ERAP1: variants seen among roughly 807,000 people sequenced by gnomAD.
ERAP1 encodes the protein endoplasmic reticulum aminopeptidase 1, also known as adipocyte-derived leucine aminopeptidase.
ERAP1 carries 86 observed loss-of-function variants against 103.7 expected under a neutral mutation model. The observed-to-expected ratio is 0.83, with a 90% CI of 0.70 to 0.99. The LOEUF (loss-of-function observed/expected upper bound fraction) is 0.99, where lower values mean the gene tolerates loss of function less well. ERAP1 is among the 50% of genes least tolerant of loss of function. The pLI is 0.00. For missense variants in ERAP1, 1,009 were observed against 1,128.4 expected (o/e 0.89, Z 1.52); for synonymous variants, 398 against 402.4 (o/e 0.99, Z 0.13).
At chr5:96,872,277 A>G in the ERAP1 span, among the ~76,000 whole-genome samples, 20 of 151,424 alleles carry the variant, frequency 1.3e-4, 1 homozygote, top group Admixed American at 1.2e-3. Flanking sequence ...CAGAGGTTGC[A>G]GTGAGCCGAG....
chr5:96,897,280 C>A, the ERAP1 span, among the ~76,000 whole-genome samples: 1 of 152,202 alleles, frequency 6.6e-6, no homozygotes, highest in African/African-American at 2.4e-5. Flanking sequence ...TGCTCAATCT[C>A]TAGATCATTG....
At chr5:96,931,940 A>T in the ERAP1 span, among the ~76,000 whole-genome samples, 2 of 152,242 alleles carry the variant, frequency 1.3e-5, no homozygotes, top group East Asian at 3.8e-4. Context: ...TGTATCATTT[A>T]AACTAGTTTT....
chr5:96,834,144 C>T, the ERAP1 span, among the ~76,000 whole-genome samples: 1 of 152,220 alleles, frequency 6.6e-6, no homozygotes, highest in Non-Finnish European at 1.5e-5. Flanking sequence ...AATTCAGTGA[C>T]TTCCGCAGTT....
the ERAP1 span, among the ~76,000 whole-genome samples, chr5:96,930,823 G>A: frequency 6.6e-6 from 1 of 152,218 alleles, no homozygotes; most frequent in Non-Finnish European, 1.5e-5. Context: ...GGCCAAAACA[G>A]TTTCCCTAGA....
At chr5:96,869,796 G>A in the ERAP1 span, among the ~76,000 whole-genome samples, 381 of 152,282 alleles carry the variant, frequency 2.5e-3, 4 homozygotes, top group Middle Eastern at 0.017. Context: ...GAAGAGGATG[G>A]GTGCCCAGGC....
the ERAP1 span, among the ~76,000 whole-genome samples, chr5:96,849,421 G>A: frequency 0.048 from 7,275 of 152,184 alleles, 214 homozygotes; most frequent in South Asian, 0.11. Context: ...GAGTAAAGTA[G>A]CAGGTCACAA....
chr5:96,901,694 C>A, the ERAP1 span: 1 of 1,612,326 alleles, frequency 6.2e-7, no homozygotes, highest in Admixed American at 1.7e-5. Flanking sequence ...GGCTGCTTTT[C>A]TTCTTTAGGT....
the ERAP1 span, among the ~76,000 whole-genome samples, chr5:96,852,190 A>T: frequency 0.048 from 7,276 of 152,332 alleles, 214 homozygotes; most frequent in South Asian, 0.11. Context: ...TGTTATTATT[A>T]AAAAATGTTT....
chr5:96,861,978 A>G, the ERAP1 span, among the ~76,000 whole-genome samples: 1 of 151,980 alleles, frequency 6.6e-6, no homozygotes, highest in East Asian at 1.9e-4. Context: ...GTATATTGTG[A>G]TTCTTTTTGA....
intron 3 of ERAP1, among the ~76,000 whole-genome samples, chr5:96,798,588 T>TG (rs141937146): frequency 0.12 from 17,744 of 151,538 alleles, 1,321 homozygotes; most frequent in Non-Finnish European, 0.17. Context: ...CATCTTTTTT[T>TG]TTTGTTTTGA....
At chr5:96,908,933 A>AGCC in the ERAP1 span, 4 of 1,599,522 alleles carry the variant, frequency 2.5e-6, no homozygotes, top group Non-Finnish European at 2.6e-6. Context: ...GATATGCACA[A>AGCC]ACCACTGACA....
chr5:96,800,924 C>A lies in ERAP1; in HGVS notation c.601G>T (p.Ala201Ser). 2 of 1,614,142 alleles carry A rather than the reference C, an allele frequency of 1.2e-6. No homozygotes were observed. The highest frequency in any genetic ancestry group is 1.7e-6 in the Non-Finnish European group (2 of 1,180,026). Residue 201 changes from alanine to serine, a missense_variant, in exon 3 of 19, where the codon GCA becomes TCA. This residue lies in a region of ERAP1 where 392 missense variants were observed against 455.2 expected (regional missense o/e 0.86). Transcript: ENST00000443439. ...CTTCTAATTTTGATTGAGAAACTTG[C>A]TTTGAAGGCAGGTTCATCAAAGCAG... ...FPCFDEPAFKASFSIKIRREP... is the reference protein window; with the variant it reads ...FPCFDEPAFKSSFSIKIRREP...
Position 96,792,456 on chromosome 5 carries a change from C to T in ERAP1, c.1189-264G>A, listed in dbSNP as rs534321910. Among the ~76,000 whole-genome samples, 5 of 152,142 alleles carry T rather than the reference C, an allele frequency of 3.3e-5. No individual in the cohort carries two copies. In the South Asian group the frequency reaches 6.2e-4, roughly 19 times the overall value. On this transcript the variant is annotated intron_variant, in intron 7 of 18. Transcript: ENST00000443439. Reference sequence around the variant, plus strand: ...AGAAAATTTCGTATTAATCTAAAAACGAAACAATTATGCCTATAGCCAAAC... The same window carrying T: ...AGAAAATTTCGTATTAATCTAAAAATGAAACAATTATGCCTATAGCCAAAC...
chr5:96,787,419 C>T (rs1290550126), intron 11 of ERAP1, among the ~76,000 whole-genome samples: 4 of 152,212 alleles, frequency 2.6e-5, no homozygotes, highest in Non-Finnish European at 2.9e-5. Flanking sequence ...GCGCCCGCCA[C>T]CATGCCCGGC....
At chr5:96,922,654 A>G in the ERAP1 span, among the ~76,000 whole-genome samples, 2 of 152,266 alleles carry the variant, frequency 1.3e-5, no homozygotes, top group Non-Finnish European at 2.9e-5. Flanking sequence ...TATGTGAACC[A>G]GACAGAGCTC....
chr5:96,845,321 A>G, the ERAP1 span, among the ~76,000 whole-genome samples: 1 of 151,960 alleles, frequency 6.6e-6, no homozygotes, highest in Non-Finnish European at 1.5e-5. Flanking sequence ...TGTAACCTCC[A>G]CCTTCCAGGT....
the ERAP1 span, among the ~76,000 whole-genome samples, chr5:96,834,115 A>G: frequency 6.6e-6 from 1 of 152,236 alleles, no homozygotes; most frequent in African/African-American, 2.4e-5. Flanking sequence ...TAGCATCATC[A>G]GATATTTAGT....
chr5:96,873,148 C>T, the ERAP1 span: 1 of 345,632 alleles, frequency 2.9e-6, no homozygotes, highest in Non-Finnish European at 5.8e-6. Context: ...GAGATTGTGC[C>T]ACCGCACTCC....
At chr5:96,931,537 G>A in the ERAP1 span, among the ~76,000 whole-genome samples, 3 of 152,122 alleles carry the variant, frequency 2.0e-5, no homozygotes, top group Non-Finnish European at 4.4e-5. Flanking sequence ...TTTTGTGCTC[G>A]GTGAGGGTGC....
Sources: allele counts gnomAD v4.1 joint callset (sites outside exome capture counted in the v4.1 genomes callset), GRCh38; gene constraint gnomAD v4.1.1; regional missense constraint gnomAD v4.1.1; transcripts MANE v1.5; gene names NCBI Gene and HGNC (gene_info 2026-07-23, HGNC 2026-07-21).